RBFOX3: variants seen among roughly 807,000 people sequenced by gnomAD.
RBFOX3 encodes RNA binding protein fox-1 homolog 3.
In RBFOX3, 17 loss-of-function variants were observed where a neutral mutation model predicts 48.7. That is an observed-to-expected ratio of 0.35 (90% CI 0.24 to 0.52). The LOEUF (loss-of-function observed/expected upper bound fraction) is 0.52. Among genes scored for constraint, RBFOX3 ranks in the 20% least tolerant of loss-of-function variants. The pLI is 0.94. For missense variants in RBFOX3, 382 were observed against 497.5 expected (o/e 0.77, Z 2.21); for synonymous variants, 212 against 209.5 (o/e 1.01, Z -0.10).
At chr17:79,555,765 G>T (rs899376515) in intron 1 of RBFOX3, among the ~76,000 whole-genome samples, 1 of 19,068 alleles carries the variant, frequency 5.2e-5, no homozygotes, top group Admixed American at 5.8e-4. Flanking sequence ...TGGTGATGGC[G>T]ATGGTAATGG....
chr17:79,611,183 T>TTCTCTCTCTCTCTC (rs1196349028), upstream of RBFOX3, among the ~76,000 whole-genome samples: 260 of 41,530 alleles, frequency 6.3e-3, 29 homozygotes, highest in African/African-American at 0.037. Context: ...TCCGCCCTCC[T>TTCTCTCTCTCTCTC]TCTCTCTCTC....
At chr17:79,231,888 T>G (rs772876013) in intron 4 of RBFOX3, among the ~76,000 whole-genome samples, 2 of 152,210 alleles carry the variant, frequency 1.3e-5, no homozygotes, top group African/African-American at 4.8e-5. Flanking sequence ...CATGCTGCTA[T>G]GAAGAAATAC....
chr17:79,158,279 C>T (rs2046257616), intron 4 of RBFOX3, among the ~76,000 whole-genome samples: 1 of 152,238 alleles, frequency 6.6e-6, no homozygotes, highest in African/African-American at 2.4e-5. Context: ...TTTATGCCAC[C>T]TGGTCTGTGG....
chr17:79,381,637 T>C (rs1254561406), intron 2 of RBFOX3, among the ~76,000 whole-genome samples: 1 of 152,210 alleles, frequency 6.6e-6, no homozygotes, highest in Non-Finnish European at 1.5e-5. Flanking sequence ...GTGAATAAAC[T>C]GACCACCTTG....
intron 2 of RBFOX3, among the ~76,000 whole-genome samples, chr17:79,456,666 A>T (rs1026216904): frequency 2.4e-4 from 36 of 150,896 alleles, no homozygotes; most frequent in South Asian, 6.2e-4. Context: ...TATTTATACC[A>T]GGCCAGAGCC....
chr17:79,267,723 G>A (rs1472058442), intron 3 of RBFOX3, among the ~76,000 whole-genome samples: 1 of 152,144 alleles, frequency 6.6e-6, no homozygotes, highest in Non-Finnish European at 1.5e-5. Context: ...AGATGCCAGA[G>A]CTCATGGCCT....
At chr17:79,170,047 G>GAGGGA (rs1197000045) in intron 4 of RBFOX3, among the ~76,000 whole-genome samples, 3 of 149,898 alleles carry the variant, frequency 2.0e-5, no homozygotes, top group African/African-American at 5.0e-5. Context: ...GGAAGGAGAA[G>GAGGGA]AGGGAAGGGA....
chr17:79,394,809 C>T (rs1258724109), intron 2 of RBFOX3, among the ~76,000 whole-genome samples: 1 of 152,222 alleles, frequency 6.6e-6, no homozygotes, highest in Non-Finnish European at 1.5e-5. Context: ...CTGCCCCACT[C>T]CTGAGACGTC....
At chr17:79,372,385 C>A (rs2058680214) in intron 2 of RBFOX3, among the ~76,000 whole-genome samples, 1 of 144,510 alleles carries the variant, frequency 6.9e-6, no homozygotes. Context: ...CTGTGGATCC[C>A]CCTAAGCCCT....
At chr17:79,238,272 A>G (rs1349026738) in intron 3 of RBFOX3, among the ~76,000 whole-genome samples, 1 of 152,152 alleles carries the variant, frequency 6.6e-6, no homozygotes, top group Non-Finnish European at 1.5e-5. Flanking sequence ...TCTTGAAGTG[A>G]GTTCTTCTTC....
At chr17:79,495,107 G>GC (rs2081246123) in intron 1 of RBFOX3, among the ~76,000 whole-genome samples, 1 of 151,950 alleles carries the variant, frequency 6.6e-6, no homozygotes, top group African/African-American at 2.4e-5. Flanking sequence ...AAGGGTCGAA[G>GC]CCCCCTCCTC....
At chr17:79,355,876 T>C (rs1259347199) in intron 2 of RBFOX3, among the ~76,000 whole-genome samples, 1 of 152,244 alleles carries the variant, frequency 6.6e-6, no homozygotes, top group Admixed American at 6.5e-5. Flanking sequence ...CCACCGTGCC[T>C]GGCCGAACTG....
intron 2 of RBFOX3, among the ~76,000 whole-genome samples, chr17:79,322,661 G>C (rs1280330229): frequency 6.6e-6 from 1 of 152,170 alleles, no homozygotes; most frequent in African/African-American, 2.4e-5. Flanking sequence ...CGCTGAGACA[G>C]GGACTCCTAG....
chr17:79,146,958 C>A (rs148803643), intron 4 of RBFOX3, among the ~76,000 whole-genome samples: 2 of 152,212 alleles, frequency 1.3e-5, no homozygotes, highest in Non-Finnish European at 2.9e-5. Flanking sequence ...TCAAAACGGG[C>A]CCCCTGCCTG....
intron 3 of RBFOX3, among the ~76,000 whole-genome samples, chr17:79,264,232 C>T (rs768073465): frequency 1.3e-5 from 2 of 152,040 alleles, no homozygotes; most frequent in Admixed American, 6.6e-5. Flanking sequence ...CCTGCCACCA[C>T]ACCTGGCTAA....
rs947934898 is a variant in RBFOX3, at chr17:79,560,098, C to T, written c.-320+50728G>A. Among the ~76,000 whole-genome samples the T allele has an allele frequency of 4.6e-5, 7 of 151,784 alleles. No individual in the cohort carries two copies. In the South Asian group the frequency reaches 1.5e-3, roughly 32 times the overall value. ...GTGGGTGGATGGATCTTGTGACACC[C>T]CGTTGCATCTTCAGCAACTCCTAGA... On this transcript the variant is annotated intron_variant, in intron 1 of 14. Transcript: ENST00000693108.
chr17:79,503,949 C>A (rs904805260), intron 1 of RBFOX3, among the ~76,000 whole-genome samples: 9 of 152,250 alleles, frequency 5.9e-5, no homozygotes, highest in Middle Eastern at 3.4e-3. Flanking sequence ...TTGTGCACAC[C>A]CACCTTCCAG....
chr17:79,389,968 T>TAGCCTCCG (rs1309637806), intron 2 of RBFOX3, among the ~76,000 whole-genome samples: 1 of 142,350 alleles, frequency 7.0e-6, no homozygotes, highest in African/African-American at 2.6e-5. Flanking sequence ...CAGGTCTCTG[T>TAGCCTCCG]AGCCTCCGGG....
chr17:79,138,051 G>A (rs916407297), intron 4 of RBFOX3, among the ~76,000 whole-genome samples: 6 of 152,140 alleles, frequency 3.9e-5, no homozygotes, highest in South Asian at 2.1e-4. Context: ...TCCGTCACAC[G>A]CCAGGCACAC....
Sources: gnomAD v4.1 joint callset for allele counts (sites outside exome capture counted in the v4.1 genomes callset) on GRCh38, gnomAD v4.1.1 for gene constraint, MANE v1.5 for transcripts, NCBI Gene and HGNC (gene_info 2026-07-23, HGNC 2026-07-21) for gene names.